KCNC2: variants seen among roughly 807,000 people sequenced by gnomAD.
The protein encoded by KCNC2 is voltage-gated potassium channel KCNC2.
In KCNC2, 21 loss-of-function variants were observed where a neutral mutation model predicts 44.5. The ratio of observed to expected loss-of-function variants is 0.47; its 90% CI spans 0.33 to 0.68. The LOEUF (loss-of-function observed/expected upper bound fraction) is 0.68, where lower values mean the gene tolerates loss of function less well. Among genes scored for constraint, KCNC2 ranks in the 30% least tolerant of loss-of-function variants. The probability of loss-of-function intolerance (pLI) is 0.01; values close to 1 mark genes in which losing one functional copy is unlikely to be tolerated. For missense variants in KCNC2, 589 were observed against 826.2 expected, an observed-to-expected ratio of 0.71 and a Z score of 3.52; for synonymous variants, 391 against 339.1, an observed-to-expected ratio of 1.15 and a Z score of -1.68.
At chr12:75,114,038 C>T (rs868843434) in intron 2 of KCNC2, among the ~76,000 whole-genome samples, 1 of 151,926 alleles carries the variant, frequency 6.6e-6, no homozygotes, top group East Asian at 1.9e-4. Context: ...ATGTCATAGA[C>T]CATAGCTTCA....
At chr12:75,087,357 A>G (rs1210623968) in intron 2 of KCNC2, among the ~76,000 whole-genome samples, 1 of 152,124 alleles carries the variant, frequency 6.6e-6, no homozygotes, top group Non-Finnish European at 1.5e-5. Flanking sequence ...TCAAGATAAC[A>G]TTCTAGAGGC....
chr12:75,161,340 G>A (rs1234461539), intron 2 of KCNC2, among the ~76,000 whole-genome samples: 1 of 151,648 alleles, frequency 6.6e-6, no homozygotes, highest in Non-Finnish European at 1.5e-5. Flanking sequence ...AGCAGAAACT[G>A]ATTTTACTCA....
chr12:75,146,494 A>G (rs1164644474), intron 2 of KCNC2, among the ~76,000 whole-genome samples: 9 of 152,136 alleles, frequency 5.9e-5, no homozygotes, highest in African/African-American at 1.4e-4. Flanking sequence ...ATTAATTTTA[A>G]CTGCTGTGGA....
At chr12:75,145,448 C>T (rs922145932) in intron 2 of KCNC2, among the ~76,000 whole-genome samples, 13 of 149,976 alleles carry the variant, frequency 8.7e-5, no homozygotes, top group Non-Finnish European at 1.8e-4. Context: ...AGCTCATATC[C>T]TATTTTCTTT....
intron 2 of KCNC2, among the ~76,000 whole-genome samples, chr12:75,090,887 T>C (rs1002850329): frequency 6.6e-6 from 1 of 151,662 alleles, no homozygotes; most frequent in Admixed American, 6.6e-5. Flanking sequence ...ACCCTTATGT[T>C]TTATTTCACT....
chr12:75,130,518 T>C (rs1888760355), intron 2 of KCNC2, among the ~76,000 whole-genome samples: 1 of 152,136 alleles, frequency 6.6e-6, no homozygotes, highest in South Asian at 2.1e-4. Context: ...TAATAGGAAA[T>C]GTTACGGTTG....
chr12:75,169,208 T>A (rs202228727), intron 2 of KCNC2, among the ~76,000 whole-genome samples: 2 of 151,588 alleles, frequency 1.3e-5, no homozygotes, highest in East Asian at 3.9e-4. Flanking sequence ...GCCTTGAGAT[T>A]CTTTCCCAGG....
rs1171623891 is a variant in KCNC2, at chr12:75,207,130, G to T, written c.687+167C>A. Among the ~76,000 whole-genome samples, 1 of 152,144 alleles carries T rather than the reference G, an allele frequency of 6.6e-6. No homozygotes were observed. Among genetic ancestry groups the T allele is most frequent in the African/African-American group, 2.4e-5 (1 of 41,440 alleles). ...GGACTGGGTAGGGATGGTGGCCGGG[G>T]TCCCTGGGTTTACCCTGCAAAGGAT... On this transcript the variant is annotated intron_variant, in intron 2 of 4. Transcript: ENST00000549446. The surrounding 1 kb of genome is among the most constrained non-coding windows in gnomAD (Gnocchi z 4.1).
At chr12:75,067,372 T>C (rs1038113506) in intron 2 of KCNC2, among the ~76,000 whole-genome samples, 5 of 152,234 alleles carry the variant, frequency 3.3e-5, no homozygotes, top group African/African-American at 1.2e-4. Context: ...TCAATTATAA[T>C]ACATTATAGT....
chr12:75,141,285 C>G (rs1889634172), intron 2 of KCNC2, among the ~76,000 whole-genome samples: 1 of 152,164 alleles, frequency 6.6e-6, no homozygotes, highest in Non-Finnish European at 1.5e-5. Flanking sequence ...GCTTCTTTAT[C>G]CTAGGTTGTG....
At chr12:75,094,002 T>C (rs1229001421) in intron 2 of KCNC2, among the ~76,000 whole-genome samples, 1 of 151,712 alleles carries the variant, frequency 6.6e-6, no homozygotes, top group Admixed American at 6.6e-5. Flanking sequence ...AGTACTTTAC[T>C]AATCCCTTTT....
chr12:75,076,436 C>A (rs980313544), intron 2 of KCNC2, among the ~76,000 whole-genome samples: 1 of 152,056 alleles, frequency 6.6e-6, no homozygotes, highest in African/African-American at 2.4e-5. Context: ...CCACGCCCGG[C>A]TAATTTTTTT....
At chr12:75,045,462 A>G (rs1399172102) in intron 4 of KCNC2, among the ~76,000 whole-genome samples, 2 of 151,928 alleles carry the variant, frequency 1.3e-5, no homozygotes, top group South Asian at 2.1e-4. Flanking sequence ...TATTAGTAAA[A>G]CTATATATTA....
At chr12:75,203,064 A>T (rs2031415880) in intron 2 of KCNC2, among the ~76,000 whole-genome samples, 1 of 151,820 alleles carries the variant, frequency 6.6e-6, no homozygotes, top group African/African-American at 2.4e-5. Context: ...TTTATGAATA[A>T]GCTATATTTA....
At chr12:75,066,193 T>G (rs774144957) in intron 2 of KCNC2, among the ~76,000 whole-genome samples, 9 of 152,144 alleles carry the variant, frequency 5.9e-5, no homozygotes, top group Admixed American at 5.2e-4. Context: ...ATGTTCACAG[T>G]GTCACAATAA....
intron 2 of KCNC2, among the ~76,000 whole-genome samples, chr12:75,062,697 A>G (rs1446207087): frequency 2.6e-5 from 4 of 152,018 alleles, no homozygotes; most frequent in African/African-American, 9.7e-5. Context: ...TTCATAGATT[A>G]TTTAACTCAT....
At chr12:75,090,406 T>A (rs2137125832) in intron 2 of KCNC2, among the ~76,000 whole-genome samples, 1 of 151,762 alleles carries the variant, frequency 6.6e-6, no homozygotes, top group East Asian at 1.9e-4. Context: ...ACTGCCACTA[T>A]CTTATTGACT....
chr12:75,194,720 A>G (rs1040147358), intron 2 of KCNC2, among the ~76,000 whole-genome samples: 1 of 152,212 alleles, frequency 6.6e-6, no homozygotes, highest in African/African-American at 2.4e-5. Context: ...TTTGAACATG[A>G]CTATGCTTTT....
At chr12:75,079,617 A>G (rs947083193) in intron 2 of KCNC2, among the ~76,000 whole-genome samples, 2 of 152,158 alleles carry the variant, frequency 1.3e-5, no homozygotes, top group African/African-American at 4.8e-5. Context: ...CTTATCAGAC[A>G]TCATGAATAT....
Sources: allele counts gnomAD v4.1 joint callset (sites outside exome capture counted in the v4.1 genomes callset), GRCh38; gene constraint gnomAD v4.1.1; non-coding constraint Gnocchi (gnomAD v3.1); transcripts MANE v1.5; gene names NCBI Gene and HGNC (gene_info 2026-07-23, HGNC 2026-07-21).